Variants in PLAC1 observed in about 807,000 individuals in gnomAD.
PLAC1 encodes the protein placenta associated 1, also known as placenta-specific protein 1.
For synonymous variants in PLAC1, 68 were observed against 62.1 expected, an observed-to-expected ratio of 1.09 and a Z score of -0.44; for missense variants, 136 against 163.2, an observed-to-expected ratio of 0.83 and a Z score of 0.91.
intron 1 of PLAC1, among the ~76,000 whole-genome samples, chrX:134,763,824 AAAAGAAAGAAAG>A (rs58989876): frequency 0.035 from 3,125 of 90,479 alleles, 131 homozygotes; most frequent in African/African-American, 0.12. Context: ...TCCGAAAAAA[AAAAGAAAGAAAG>A]AAAGAAAGAA....
chrX:134,747,419 G>A (rs898328811), intron 1 of PLAC1, among the ~76,000 whole-genome samples: 1 of 111,747 alleles, frequency 8.9e-6, no homozygotes, highest in Non-Finnish European at 1.9e-5. Flanking sequence ...GCTATATTTC[G>A]AGTTGCCTGG....
chrX:134,601,625 A>C lies in PLAC1; in HGVS notation c.-59+426T>G, dbSNP rs1483131423. 2.7e-5 allele frequency: 3 copies of C among 112,619 alleles called. No homozygotes were observed. The Admixed American group carries it at 2.8e-4, about 11-fold the overall frequency. 9.3% of individuals were successfully genotyped at this position (112,619 alleles called of 1,213,427 possible). A position where few individuals can be genotyped will look rare whatever the true frequency, so the allele number is the denominator to read the frequency against. On this transcript the variant is annotated intron_variant, in intron 2 of 2. Coordinates refer to ENST00000359237, the MANE Select transcript of PLAC1 (RefSeq NM_021796.4). Reference sequence around the variant, plus strand: ...GGCATTAGACTCTCTCCTGTTATACAGCATAAGTGCTAGAGGCATAACACA... The same window carrying C: ...GGCATTAGACTCTCTCCTGTTATACCGCATAAGTGCTAGAGGCATAACACA...
intron 2 of PLAC1, among the ~76,000 whole-genome samples, chrX:134,590,638 C>G (rs1256556986): frequency 9.0e-6 from 1 of 111,412 alleles, no homozygotes; most frequent in Non-Finnish European, 1.9e-5. Flanking sequence ...TTTTTTGAGA[C>G]AGAGTCCCAC....
At chrX:134,660,986 C>T (rs1206552572), upstream of PLAC1, among the ~76,000 whole-genome samples, 6 of 42,807 alleles carry the variant, frequency 1.4e-4, no homozygotes, top group South Asian at 4.6e-3. Flanking sequence ...CCTTTTTAGA[C>T]GTCTTTTTTT....
chrX:134,670,927 C>T (rs1376049564), intron 2 of PLAC1, among the ~76,000 whole-genome samples: 1 of 112,350 alleles, frequency 8.9e-6, no homozygotes, highest in African/African-American at 3.2e-5. Context: ...TCTGAGAAGG[C>T]TGTTATCTGT....
intron 2 of PLAC1, among the ~76,000 whole-genome samples, chrX:134,575,481 G>C (rs2077933323): frequency 9.1e-6 from 1 of 110,043 alleles, no homozygotes; most frequent in Non-Finnish European, 1.9e-5. Context: ...GCAAGAACAG[G>C]GTGTTGAGCC....
At chrX:134,730,134 G>A (rs1402172784) in intron 2 of PLAC1, among the ~76,000 whole-genome samples, 1 of 111,780 alleles carries the variant, frequency 8.9e-6, no homozygotes, top group African/African-American at 3.3e-5. Context: ...AGCACATGAA[G>A]ATGCACTCTG....
intron 2 of PLAC1, among the ~76,000 whole-genome samples, chrX:134,599,170 TC>T (rs1206472416): frequency 1.8e-5 from 2 of 111,868 alleles, no homozygotes; most frequent in Non-Finnish European, 3.8e-5. Context: ...ATATTTTCCT[TC>T]CAGATCTAAA....
At position 134,750,847 on chromosome X, in the gene PLAC1, T is replaced by TATA. The variant is rs1569414648; in HGVS notation, n.89+13386_89+13387insTAT. Among the ~76,000 whole-genome samples the TATA allele has an allele frequency of 2.5e-4, 5 of 20,089 alleles. 2 individuals carry two copies. Among genetic ancestry groups the TATA allele is most frequent in the East Asian group, 1.2e-3 (1 of 824 alleles). The allele number at this position is 20,089 out of a possible 115,157, so 17.4% of individuals were successfully genotyped here. On this transcript the variant is annotated intron_variant and non_coding_transcript_variant, in intron 1 of 2. Coordinates refer to the PLAC1 transcript ENST00000466797. ...TATATATATATATTTATATATATAT[T>TATA]TATATATATATATTTTTATATATAT...
chrX:134,603,174 A>T (rs191641897), intron 1 of PLAC1, among the ~76,000 whole-genome samples: 1 of 95,844 alleles, frequency 1.0e-5, no homozygotes, highest in African/African-American at 3.8e-5. Flanking sequence ...TGCCAACAGA[A>T]TCTGTTAAAA....
intron 2 of PLAC1, among the ~76,000 whole-genome samples, chrX:134,714,880 A>G (rs2078638867): frequency 8.9e-6 from 1 of 111,743 alleles, no homozygotes; most frequent in Non-Finnish European, 1.9e-5. Flanking sequence ...TGTTTTGTTT[A>G]TCCAATCATC....
chrX:134,695,599 C>A (rs1005855933), intron 2 of PLAC1, among the ~76,000 whole-genome samples: 1 of 112,255 alleles, frequency 8.9e-6, no homozygotes, highest in Non-Finnish European at 1.9e-5. Context: ...CTGTGAAAAA[C>A]ACTTCTTTAG....
intron 1 of PLAC1, among the ~76,000 whole-genome samples, chrX:134,611,919 C>A (rs1447079105): frequency 2.7e-5 from 3 of 111,182 alleles, no homozygotes; most frequent in Non-Finnish European, 5.6e-5. Flanking sequence ...GGCTCTTGGC[C>A]TTCTTGCACT....
intron 2 of PLAC1, among the ~76,000 whole-genome samples, chrX:134,590,854 TC>T (rs912788488): frequency 2.3e-5 from 2 of 88,602 alleles, no homozygotes; most frequent in African/African-American, 4.1e-5. Flanking sequence ...TGATCCACCC[TC>T]CCCCCCCACC....
chrX:134,645,220 C>T (rs1035710165), intron 1 of PLAC1, among the ~76,000 whole-genome samples: 1 of 112,194 alleles, frequency 8.9e-6, no homozygotes, highest in Non-Finnish European at 1.9e-5. Context: ...TGAGTGTCTC[C>T]AAATCTTCCC....
intron 1 of PLAC1, among the ~76,000 whole-genome samples, chrX:134,755,356 T>C (rs915558692): frequency 2.7e-5 from 3 of 112,804 alleles, no homozygotes; most frequent in Middle Eastern, 4.2e-3. Context: ...CAAATGTTAA[T>C]TGAGCATTTA....
At chrX:134,638,552 G>T (rs1379834867) in intron 1 of PLAC1, among the ~76,000 whole-genome samples, 1 of 111,662 alleles carries the variant, frequency 9.0e-6, no homozygotes, top group African/African-American at 3.3e-5. Context: ...CTTGATATTT[G>T]TATTTTTCAT....
upstream of PLAC1, among the ~76,000 whole-genome samples, chrX:134,663,466 G>A (rs754409329): frequency 8.9e-5 from 10 of 112,824 alleles, no homozygotes; most frequent in South Asian, 3.6e-4. Flanking sequence ...GCGCGTGCAC[G>A]TGTGCACACG....
At chrX:134,675,547 C>A (rs1432350403) in intron 2 of PLAC1, among the ~76,000 whole-genome samples, 1 of 111,647 alleles carries the variant, frequency 9.0e-6, no homozygotes. Flanking sequence ...TGCCTGTAAT[C>A]CCAGCTACTC....
Sources: gnomAD v4.1 joint callset for allele counts (sites outside exome capture counted in the v4.1 genomes callset) on GRCh38, gnomAD v4.1.1 for gene constraint, MANE v1.5 for transcripts, NCBI Gene and HGNC (gene_info 2026-07-23, HGNC 2026-07-21) for gene names.